ATP6V0A4: variants seen among roughly 807,000 people sequenced by gnomAD.
ATP6V0A4 encodes ATPase H+ transporting V0 subunit a4.
Under a neutral mutation model 107.3 loss-of-function variants are expected in ATP6V0A4, and 86 were observed. The ratio of observed to expected loss-of-function variants is 0.80; its 90% confidence interval spans 0.67 to 0.96. The LOEUF (loss-of-function observed/expected upper bound fraction) is 0.96. Ranked by LOEUF, ATP6V0A4 falls within the 40% of genes least tolerant of loss-of-function variation. ATP6V0A4 has a pLI of 0.00. For synonymous variants in ATP6V0A4, 353 were observed against 381.4 expected (o/e 0.93, Z 0.87); for missense variants, 908 against 1,045.6 (o/e 0.87, Z 1.81).
In ATP6V0A4 at chr7:138,749,251, A is replaced by G. The variant is rs1192335760; in HGVS notation, c.1096T>C (p.Phe366Leu). The change falls in exon 12 of 22, where the codon TTT becomes CTT. Residue 366 changes from phenylalanine (F) to leucine (L), a missense_variant. Physicochemically the swap from Phe to Leu is conservative, Grantham distance 22. Coordinates refer to ENST00000310018, the MANE Select transcript of ATP6V0A4 (RefSeq NM_020632.3). ...TVQSKTAPPTFNRTNKFTAGF... is the reference protein window; with the variant it reads ...TVQSKTAPPTLNRTNKFTAGF... ...GCTGTGAATTTATTGGTCCTGTTAA[A>G]TGTGGGAGGGGCTGTTTTAGATTGC... 8.2e-6 allele frequency: 13 copies of G among 1,587,540 alleles called. No individual in the cohort carries two copies. Among genetic ancestry groups the G allele is most frequent in the Admixed American group, 1.7e-5 (1 of 58,990 alleles).
intron 15 of ATP6V0A4, among the ~76,000 whole-genome samples, chr7:138,735,431 G>A (rs1474332567): frequency 6.6e-6 from 1 of 152,098 alleles, no homozygotes; most frequent in Non-Finnish European, 1.5e-5. Context: ...CTTTGCTTCT[G>A]TTAAGGGGCC....
At chr7:138,733,382 G>A (rs978343304) in intron 16 of ATP6V0A4, among the ~76,000 whole-genome samples, 1 of 152,034 alleles carries the variant, frequency 6.6e-6, no homozygotes, top group Non-Finnish European at 1.5e-5. Context: ...AGAGAGGGTG[G>A]TGATCTGACT....
At chr7:138,707,453 G>C (rs1322216758) in intron 21 of ATP6V0A4, among the ~76,000 whole-genome samples, 1 of 126,838 alleles carries the variant, frequency 7.9e-6, no homozygotes, top group Non-Finnish European at 1.6e-5. Flanking sequence ...CCAGGCTGGA[G>C]TGCAATAGTG....
chr7:138,746,193 C>T (rs1200124236), intron 13 of ATP6V0A4, among the ~76,000 whole-genome samples: 1 of 150,860 alleles, frequency 6.6e-6, no homozygotes. Context: ...ACTGAACTGG[C>T]CTCCCATGGC....
rs553337832 is a variant in ATP6V0A4 at position 138,767,206 on chromosome 7, T to C, written c.291+1574A>G. ...CATAAATATTTTACATACTTTTCCA[T>C]TTTAATTTGTAATACAGTCAAAAAT... On this transcript the variant is annotated intron_variant, in intron 5 of 21. Coordinates refer to ENST00000310018, the MANE Select transcript of ATP6V0A4 (RefSeq NM_020632.3). Among the ~76,000 whole-genome samples, 31 of 152,328 alleles carry C rather than the reference T, an allele frequency of 2.0e-4. No homozygotes were observed. In the South Asian group the frequency reaches 6.2e-3, roughly 31 times the overall value.
chr7:138,758,025 G>C (rs1196565040), intron 8 of ATP6V0A4, among the ~76,000 whole-genome samples: 1 of 152,106 alleles, frequency 6.6e-6, no homozygotes, highest in East Asian at 1.9e-4. Flanking sequence ...CTTTTCTCCT[G>C]ATCCACCAGA....
At chr7:138,797,912 A>G in intron 1 of ATP6V0A4, 122 bp downstream of exon 1, 1 of 1,394,264 alleles carries the variant, frequency 7.2e-7, no homozygotes, top group Non-Finnish European at 9.8e-7. Context: ...TAGAGAGGTG[A>G]GAGAAGGTGT....
At chr7:138,733,237 C>A (rs1265553597) in intron 16 of ATP6V0A4, 144 bp from the exon 17 acceptor site, 90 of 1,364,980 alleles carry the variant, frequency 6.6e-5, no homozygotes, top group South Asian at 8.3e-5. Flanking sequence ...CCCCCACCCC[C>A]CCAGCAAACA....
chr7:138,781,113 T>C (rs1419932764), intron 2 of ATP6V0A4, among the ~76,000 whole-genome samples: 1 of 152,176 alleles, frequency 6.6e-6, no homozygotes, highest in Non-Finnish European at 1.5e-5. Context: ...ACAGGAGAGA[T>C]GATTAAGATC....
At chr7:138,728,938 C>T in intron 17 of ATP6V0A4, 76 bp from the exon 18 acceptor site, 1 of 1,610,232 alleles carries the variant, frequency 6.2e-7, no homozygotes, top group Non-Finnish European at 8.5e-7. Context: ...AAAATGACCA[C>T]TATGGGCCAC....
chr7:138,771,420 TAGAC>T, intron 2 of ATP6V0A4, 156 bp from the exon 3 acceptor site: 1 of 357,784 alleles, frequency 2.8e-6, no homozygotes, highest in Non-Finnish European at 3.4e-6. Context: ...TTTTTTTTCT[TAGAC>T]AGGGTCTCAC....
At chr7:138,766,676 T>C (rs954185813) in intron 5 of ATP6V0A4, among the ~76,000 whole-genome samples, 3 of 152,308 alleles carry the variant, frequency 2.0e-5, no homozygotes, top group Non-Finnish European at 4.4e-5. Flanking sequence ...CAGTCAAGAT[T>C]GAATCTTTTA....
intron 19 of ATP6V0A4, among the ~76,000 whole-genome samples, chr7:138,718,360 A>ATGGC (rs1317626398): frequency 1.5e-5 from 1 of 65,024 alleles, no homozygotes; most frequent in African/African-American, 6.0e-5. Flanking sequence ...CCAGGAAGGA[A>ATGGC]GGGGGGAATG....
intron 1 of ATP6V0A4, among the ~76,000 whole-genome samples, chr7:138,790,602 C>A (rs535064691): frequency 6.6e-6 from 1 of 152,106 alleles, no homozygotes; most frequent in Non-Finnish European, 1.5e-5. Flanking sequence ...GTCCCAAAAA[C>A]GGTTTTAATA....
At chr7:138,783,703 G>C (rs1808020365) in intron 2 of ATP6V0A4, among the ~76,000 whole-genome samples, 1 of 152,176 alleles carries the variant, frequency 6.6e-6, no homozygotes, top group African/African-American at 2.4e-5. Context: ...TCCAGCCAAG[G>C]TGACAAGAGT....
rs992847393 is a variant in ATP6V0A4, at chr7:138,732,941, T to C, written c.1844A>G (p.His615Arg). The part of the protein sequence containing the change: ...VSQHAPSILI[H>R]FINMFLFNYS... ...GTTAAACAGAAACATGTTGATGAAG[T>C]GGATGAGGATGCTGGGGGCGTGCTG... Residue 615 changes from histidine (H) to arginine (R), a missense_variant, in exon 17 of 22, where the codon CAC becomes CGC. His to Arg is a conservative substitution (Grantham distance 29). Transcript: ENST00000310018. The C allele has an allele frequency of 9.3e-6, 15 of 1,612,684 alleles. No homozygotes were observed. The highest frequency in any genetic ancestry group is 1.3e-5 in the African/African-American group (1 of 74,556).
intron 11 of ATP6V0A4, among the ~76,000 whole-genome samples, 175 bp downstream of exon 11, chr7:138,752,450 A>G (rs1415710134): frequency 2.6e-5 from 4 of 152,152 alleles, no homozygotes; most frequent in Admixed American, 6.6e-5. Flanking sequence ...CTGAAAAGAC[A>G]AAGGAATTTC....
intron 10 of ATP6V0A4, among the ~76,000 whole-genome samples, chr7:138,753,378 G>C (rs921450474): frequency 1.3e-5 from 2 of 152,210 alleles, no homozygotes; most frequent in Non-Finnish European, 2.9e-5. Context: ...CAGGTCTTCC[G>C]AGGGAGCACG....
At chr7:138,735,011 T>G (rs1805242191) in intron 15 of ATP6V0A4, among the ~76,000 whole-genome samples, 1 of 152,144 alleles carries the variant, frequency 6.6e-6, no homozygotes, top group Non-Finnish European at 1.5e-5. Flanking sequence ...GCAAGCACGA[T>G]GCGTAAGACA....
Sources: gnomAD v4.1 joint callset for allele counts (sites outside exome capture counted in the v4.1 genomes callset) on GRCh38, gnomAD v4.1.1 for gene constraint, MANE v1.5 for transcripts, NCBI Gene and HGNC (gene_info 2026-07-23, HGNC 2026-07-21) for gene names.